Variants in SDK2 observed in about 807,000 individuals in gnomAD.
SDK2 encodes protein sidekick-2.
In SDK2, 105 loss-of-function variants were observed where a neutral mutation model predicts 253.9. The observed-to-expected ratio is 0.41, with a 90% CI of 0.35 to 0.49. SDK2 has a LOEUF of 0.49. SDK2 is among the 20% of genes least tolerant of loss of function. The pLI, the probability that SDK2 is intolerant of heterozygous loss-of-function variation, is 0.06. For synonymous variants in SDK2, 1,249 were observed against 1,234.9 expected, an observed-to-expected ratio of 1.01 and a Z score of -0.24; for missense variants, 2,608 against 3,003.0, an observed-to-expected ratio of 0.87 and a Z score of 3.07.
intron 2 of SDK2, among the ~76,000 whole-genome samples, chr17:73,503,490 C>A (rs2063906246): frequency 6.6e-6 from 1 of 151,946 alleles, no homozygotes; most frequent in African/African-American, 2.4e-5. Context: ...TAAGAGAGCA[C>A]AAATGAGCAA....
At chr17:73,461,993 T>G (rs2063565735) in intron 3 of SDK2, among the ~76,000 whole-genome samples, 1 of 152,098 alleles carries the variant, frequency 6.6e-6, no homozygotes, top group South Asian at 2.1e-4. Context: ...TATGCATGTG[T>G]CATGGGATAA....
intron 1 of SDK2, among the ~76,000 whole-genome samples, chr17:73,544,038 C>G (rs777555466): frequency 6.6e-5 from 10 of 152,186 alleles, no homozygotes; most frequent in Non-Finnish European, 1.5e-4. Flanking sequence ...GTAACGTGAG[C>G]ACAGCATGTT....
rs1171270020 is a variant in SDK2, at chr17:73,570,140, G to T, written c.65-62543C>A. Among the ~76,000 whole-genome samples, 2 of 152,086 alleles carry T rather than the reference G, an allele frequency of 1.3e-5. No homozygotes were observed. The highest frequency in any genetic ancestry group is 2.9e-5 in the Non-Finnish European group (2 of 68,000). ...CCCCCCAGAGCCCCTCTTGGGGAGA[G>T]ACTGGGACTGCTGAGCTTGGTGGAC... On this transcript the variant is annotated intron_variant, in intron 1 of 44. Coordinates refer to ENST00000392650, the MANE Select transcript of SDK2 (RefSeq NM_001144952.2). This position sits in a 1 kb window ranked among gnomAD's most constrained non-coding sequence, Gnocchi z 4.2.
chr17:73,394,367 C>G (rs367788655), intron 25 of SDK2, 43 bp from the exon 26 acceptor site: 3 of 1,358,592 alleles, frequency 2.2e-6, no homozygotes, highest in East Asian at 5.1e-5. Flanking sequence ...CAGGACCCAA[C>G]GTTGACTGTG....
chr17:73,622,999 C>T (rs1440084728), intron 1 of SDK2, among the ~76,000 whole-genome samples: 3 of 152,230 alleles, frequency 2.0e-5, no homozygotes, highest in Non-Finnish European at 4.4e-5. Flanking sequence ...GCAGTGCCCT[C>T]TGCCTGGAAT....
chr17:73,486,070 G>A (rs2063767730), intron 2 of SDK2, among the ~76,000 whole-genome samples: 1 of 152,182 alleles, frequency 6.6e-6, no homozygotes, highest in Non-Finnish European at 1.5e-5. Context: ...ACAGTGGAAA[G>A]ATGTCACTGG....
chr17:73,400,973 C>T, intron 21 of SDK2, 47 bp downstream of exon 21: 3 of 1,516,344 alleles, frequency 2.0e-6, no homozygotes, highest in Non-Finnish European at 2.7e-6. Flanking sequence ...GAATGGGACG[C>T]TGCTCAGGAG....
In SDK2 at chr17:73,639,772, T is replaced by C. The variant is rs1350428645; in HGVS notation, c.64+4253A>G. ...GACCCCTTCAACCACAGCCAGATCCTAGGAAAACCAGCTATAAGGGGACAA... is the reference window on the plus strand; with the variant it reads ...GACCCCTTCAACCACAGCCAGATCCCAGGAAAACCAGCTATAAGGGGACAA... On this transcript the variant is annotated intron_variant, in intron 1 of 44. Coordinates refer to ENST00000392650, the MANE Select transcript of SDK2 (RefSeq NM_001144952.2). The surrounding 1 kb of genome is among the most constrained non-coding windows in gnomAD (Gnocchi z 4.3). Among the ~76,000 whole-genome samples, 1 of 152,080 alleles carries C rather than the reference T, an allele frequency of 6.6e-6. No individual in the cohort carries two copies. Among genetic ancestry groups the C allele is most frequent in the Non-Finnish European group, 1.5e-5 (1 of 67,984 alleles).
chr17:73,412,961 C>T (rs1003298859), intron 18 of SDK2, among the ~76,000 whole-genome samples: 1 of 152,128 alleles, frequency 6.6e-6, no homozygotes, highest in East Asian at 1.9e-4. Context: ...ACACAGTAAT[C>T]CCGTACTTCT....
intron 1 of SDK2, among the ~76,000 whole-genome samples, chr17:73,515,131 C>T (rs980883364): frequency 6.6e-6 from 1 of 152,226 alleles, no homozygotes; most frequent in Admixed American, 6.5e-5. Context: ...TCATTTTCCC[C>T]ATTTTAATAG....
chr17:73,552,143 C>T (rs946618525), intron 1 of SDK2, among the ~76,000 whole-genome samples: 7 of 151,992 alleles, frequency 4.6e-5, no homozygotes, highest in African/African-American at 1.5e-4. Flanking sequence ...AAAATATTGT[C>T]GGAGAGCCAC....
At chr17:73,528,987 G>A (rs1011885818) in intron 1 of SDK2, among the ~76,000 whole-genome samples, 2 of 152,138 alleles carry the variant, frequency 1.3e-5, no homozygotes, top group African/African-American at 4.8e-5. Flanking sequence ...GCTCCTTCTG[G>A]TGGCTCTCAC....
At chr17:73,421,573 C>CTTTTTTTTTTTTTTTTTTTTTTTTTTT (rs36068491) in intron 15 of SDK2, among the ~76,000 whole-genome samples, 2 of 90,772 alleles carry the variant, frequency 2.2e-5, no homozygotes, top group African/African-American at 4.5e-5. Context: ...CAATTTCCAT[C>CTTTTTTTTTTTTTTTTTTTTTTTTTTT]TTTTTTTTTT....
At position 73,399,225 on chromosome 17, in the gene SDK2, C is replaced by A; in HGVS notation, c.3036G>T (p.Gln1012His). ...SNIGPRSVTL[Q>H]FRPGYDGKTS... Reference sequence around the variant, plus strand: ...TTTTCCCATCGTAGCCTGGCCTGAACTGCAAGGTCACAGAGCGGGGGCCGA... The same window carrying A: ...TTTTCCCATCGTAGCCTGGCCTGAAATGCAAGGTCACAGAGCGGGGGCCGA... The change falls in exon 22 of 45, where the codon CAG becomes CAT. Residue 1012 changes from glutamine to histidine, a missense_variant. Around this residue, in one of 2 missense-constraint regions of SDK2, gnomAD observed 1,505 missense variants for 1,859.1 expected, o/e 0.81. Coordinates refer to ENST00000392650, the MANE Select transcript of SDK2 (RefSeq NM_001144952.2). The A allele has an allele frequency of 3.7e-6, 6 of 1,613,946 alleles. No homozygotes were observed. Among genetic ancestry groups the A allele is most frequent in the Non-Finnish European group, 5.1e-6 (6 of 1,179,878 alleles).
At chr17:73,454,075 A>G (rs1485540056) in intron 4 of SDK2, among the ~76,000 whole-genome samples, 1 of 152,254 alleles carries the variant, frequency 6.6e-6, no homozygotes, top group Non-Finnish European at 1.5e-5. Flanking sequence ...AACATGCTGT[A>G]CAGGTTTATA....
In SDK2 at chr17:73,379,579, C is replaced by T. The variant is rs746759670; in HGVS notation, c.4763-30G>A. ...GGGGGAGAGTGGGGGAGGGGAAGCACACTGAGGTCACCGTCATTGCTGGGA... is the reference window on the plus strand; with the variant it reads ...GGGGGAGAGTGGGGGAGGGGAAGCATACTGAGGTCACCGTCATTGCTGGGA... On this transcript the variant is annotated intron_variant, in intron 34 of 44. Coordinates refer to ENST00000392650, the MANE Select transcript of SDK2 (RefSeq NM_001144952.2). The surrounding 1 kb of genome is among the most constrained non-coding windows in gnomAD (Gnocchi z 4.5). The T allele has an allele frequency of 2.9e-6, 4 of 1,371,768 alleles. No individual in the cohort carries two copies. The African/African-American group carries it at 4.3e-5, about 15-fold the overall frequency. The allele number at this position is 1,371,768 out of a possible 1,614,324, so 85.0% of individuals were successfully genotyped here.
chr17:73,409,965 C>A (rs193084694), intron 18 of SDK2, among the ~76,000 whole-genome samples: 15 of 152,176 alleles, frequency 9.9e-5, no homozygotes, highest in Non-Finnish European at 1.9e-4. Context: ...ACAATCCTCC[C>A]TGTCTTAGCC....
At chr17:73,632,930 A>G (rs16977722) in intron 1 of SDK2, among the ~76,000 whole-genome samples, 6,047 of 152,192 alleles carry the variant, frequency 0.04, 420 homozygotes, top group African/African-American at 0.14. Context: ...CATATCCTTT[A>G]TGTGTTGGGA....
At position 73,435,392 on chromosome 17, in the gene SDK2, G is replaced by T; in HGVS notation, c.1195+58C>A. 6.7e-7 allele frequency: 1 copy of T among 1,485,662 alleles called. No homozygotes were observed. Among genetic ancestry groups the T allele is most frequent in the Non-Finnish European group, 9.1e-7 (1 of 1,103,016 alleles). 92.0% of individuals were successfully genotyped at this position (1,485,662 alleles called of 1,614,324 possible). On this transcript the variant is annotated intron_variant, in intron 9 of 44. Transcript: ENST00000392650. This position sits in a 1 kb window ranked among gnomAD's most constrained non-coding sequence, Gnocchi z 5.7. ...AGAGGCCCCTCGGAAGACCTTGGAA[G>T]AAAGCTGCGTCCTGGGAAGAGGGGC...
Sources: allele counts gnomAD v4.1 joint callset (sites outside exome capture counted in the v4.1 genomes callset), GRCh38; gene constraint gnomAD v4.1.1; regional missense constraint gnomAD v4.1.1; non-coding constraint Gnocchi (gnomAD v3.1); transcripts MANE v1.5; gene names NCBI Gene and HGNC (gene_info 2026-07-23, HGNC 2026-07-21).